The following DLGAP2 variants were observed in gnomAD, a reference collection of about 807,000 sequenced individuals.
DLGAP2 encodes the protein DLG associated protein 2, also known as disks large-associated protein 2.
In DLGAP2, 26 loss-of-function variants were observed where a neutral mutation model predicts 100.3. That is an observed-to-expected ratio of 0.26 (90% CI 0.19 to 0.36). DLGAP2 has a LOEUF of 0.36. Among genes scored for constraint, DLGAP2 ranks in the 10% least tolerant of loss-of-function variants. The pLI, the probability that DLGAP2 is intolerant of heterozygous loss-of-function variation, is 1.00. For synonymous variants in DLGAP2, 886 were observed against 630.1 expected (o/e 1.41, Z -6.08); for missense variants, 1,858 against 1,453.2 (o/e 1.28, Z -4.53).
intron 4 of DLGAP2, among the ~76,000 whole-genome samples, chr8:1,534,693 A>G (rs942268727): frequency 5.3e-5 from 8 of 152,164 alleles, no homozygotes; most frequent in African/African-American, 1.7e-4. Flanking sequence ...CCATCTCGCT[A>G]TTGAACCTGC....
intron 5 of DLGAP2, among the ~76,000 whole-genome samples, chr8:1,562,559 C>G (rs62484074): frequency 2.4e-5 from 1 of 41,020 alleles, no homozygotes; most frequent in Non-Finnish European, 4.5e-5. Flanking sequence ...GTTGGGTGTC[C>G]GTGCCTCGTT....
At chr8:836,723 G>T (rs1392124906) in intron 1 of DLGAP2, among the ~76,000 whole-genome samples, 4 of 152,200 alleles carry the variant, frequency 2.6e-5, no homozygotes, top group African/African-American at 9.6e-5. Flanking sequence ...TGGGGCCAGG[G>T]CCGCGTTGCT....
At chr8:819,062 C>T (rs1049178077) in intron 1 of DLGAP2, among the ~76,000 whole-genome samples, 4 of 152,202 alleles carry the variant, frequency 2.6e-5, no homozygotes, top group African/African-American at 2.4e-5. Context: ...GCATCAGTCT[C>T]ATTTAATGAC....
chr8:814,393 A>G (rs1019347323), intron 1 of DLGAP2, among the ~76,000 whole-genome samples: 4 of 152,216 alleles, frequency 2.6e-5, no homozygotes, highest in Non-Finnish European at 5.9e-5. Flanking sequence ...TACAAATAGC[A>G]TATGAAGTAA....
chr8:1,342,379 C>T (rs1191559677), intron 3 of DLGAP2, among the ~76,000 whole-genome samples: 1 of 152,190 alleles, frequency 6.6e-6, no homozygotes, highest in African/African-American at 2.4e-5. Flanking sequence ...TGATGTATGG[C>T]AGGTCTTCCG....
At chr8:934,318 G>T (rs34404819) in intron 2 of DLGAP2, among the ~76,000 whole-genome samples, 68 of 123,290 alleles carry the variant, frequency 5.5e-4, no homozygotes, top group Middle Eastern at 4.5e-3. Flanking sequence ...GAGGGTGAGG[G>T]CAGAGCCTGC....
intron 1 of DLGAP2, among the ~76,000 whole-genome samples, chr8:826,970 G>C (rs1181220170): frequency 6.6e-6 from 1 of 152,182 alleles, no homozygotes; most frequent in Non-Finnish European, 1.5e-5. Context: ...CTACAGAAGG[G>C]CTTACCCCAT....
At chr8:1,444,730 C>T (rs1266660253) in intron 3 of DLGAP2, among the ~76,000 whole-genome samples, 3 of 149,996 alleles carry the variant, frequency 2.0e-5, no homozygotes, top group Non-Finnish European at 4.4e-5. Context: ...CTGTAGTAGG[C>T]ATAGTAGGCA....
chr8:762,137 C>T (rs1307606767), intron 1 of DLGAP2, among the ~76,000 whole-genome samples: 1 of 152,156 alleles, frequency 6.6e-6, no homozygotes, highest in Admixed American at 6.5e-5. Context: ...TTCTCATGCT[C>T]ACGTCTAGAA....
intron 2 of DLGAP2, among the ~76,000 whole-genome samples, chr8:977,560 A>T (rs1282347125): frequency 6.6e-6 from 1 of 152,240 alleles, no homozygotes; most frequent in African/African-American, 2.4e-5. Flanking sequence ...TTTTGAACTC[A>T]TGCCTCCTTG....
chr8:1,079,019 CAGCAGGG>C (rs1341645953), intron 2 of DLGAP2, among the ~76,000 whole-genome samples: 1 of 152,228 alleles, frequency 6.6e-6, no homozygotes, highest in Non-Finnish European at 1.5e-5. Flanking sequence ...GTACTCCCAC[CAGCAGGG>C]AGGAGAGTTC....
intron 3 of DLGAP2, among the ~76,000 whole-genome samples, chr8:1,476,883 C>G (rs1584940320): frequency 6.6e-6 from 1 of 152,022 alleles, no homozygotes; most frequent in South Asian, 2.1e-4. Flanking sequence ...GTCGGCCAAC[C>G]CACCAGCCCC....
chr8:1,288,416 A>G (rs1158960369), intron 3 of DLGAP2, among the ~76,000 whole-genome samples: 2 of 117,812 alleles, frequency 1.7e-5, no homozygotes, highest in African/African-American at 6.8e-5. Context: ...TAGGAGGGGA[A>G]CTTGTTTTGG....
chr8:754,575 C>G (rs1183823112), intron 1 of DLGAP2, among the ~76,000 whole-genome samples: 1 of 152,160 alleles, frequency 6.6e-6, no homozygotes, highest in African/African-American at 2.4e-5. Flanking sequence ...GTGTGCCTGC[C>G]CAGGTGCGGG....
chr8:1,124,601 C>T (rs962805514), intron 2 of DLGAP2, among the ~76,000 whole-genome samples: 1 of 152,118 alleles, frequency 6.6e-6, no homozygotes, highest in Non-Finnish European at 1.5e-5. Flanking sequence ...TAGCTGTGTT[C>T]CTGCACTAAG....
chr8:994,891 A>G (rs1800743476), intron 2 of DLGAP2, among the ~76,000 whole-genome samples: 1 of 152,198 alleles, frequency 6.6e-6, no homozygotes, highest in African/African-American at 2.4e-5. Flanking sequence ...TTTTGCTTTA[A>G]TGACCTAGGA....
chr8:1,458,275 T>A (rs561103937), intron 3 of DLGAP2, among the ~76,000 whole-genome samples: 57 of 152,110 alleles, frequency 3.7e-4, no homozygotes, highest in Non-Finnish European at 6.3e-4. Context: ...ACAAAATTTT[T>A]GAGTTTTTAA....
At chr8:1,175,133 A>G (rs899805174) in intron 2 of DLGAP2, among the ~76,000 whole-genome samples, 3 of 152,204 alleles carry the variant, frequency 2.0e-5, no homozygotes, top group Non-Finnish European at 4.4e-5. Flanking sequence ...GATCTGGAAG[A>G]ATCTATTTTG....
intron 8 of DLGAP2, among the ~76,000 whole-genome samples, chr8:1,658,312 A>G (rs1798331069): frequency 6.6e-6 from 1 of 152,168 alleles, no homozygotes; most frequent in Admixed American, 6.5e-5. Context: ...CCATTTACAT[A>G]TGAAAGCTCC....
Sources: gnomAD v4.1 joint callset for allele counts (sites outside exome capture counted in the v4.1 genomes callset) on GRCh38, gnomAD v4.1.1 for gene constraint, MANE v1.5 for transcripts, NCBI Gene and HGNC (gene_info 2026-07-23, HGNC 2026-07-21) for gene names.